LRRC74A: variants seen among roughly 807,000 people sequenced by gnomAD.
The protein encoded by LRRC74A is leucine rich repeat containing 74A.
In LRRC74A, 44 loss-of-function variants were observed where a neutral mutation model predicts 57.9. That is an observed-to-expected ratio of 0.76 (90% CI 0.60 to 0.98). LRRC74A has a LOEUF of 0.98. Among genes scored for constraint, LRRC74A ranks in the 50% least tolerant of loss-of-function variants. LRRC74A has a pLI of 0.00. For missense variants in LRRC74A, 572 were observed against 574.0 expected (o/e 1.00, Z 0.04); for synonymous variants, 211 against 219.4 (o/e 0.96, Z 0.34).
chr14:76,850,782 C>T (rs896625127), intron 7 of LRRC74A, among the ~76,000 whole-genome samples: 4 of 147,844 alleles, frequency 2.7e-5, no homozygotes, highest in East Asian at 2.1e-4. Context: ...GCAGGAGAAT[C>T]GCTTGAACCC....
intron 3 of LRRC74A, among the ~76,000 whole-genome samples, chr14:76,834,038 A>G (rs1259128554): frequency 6.6e-6 from 1 of 152,214 alleles, no homozygotes; most frequent in Non-Finnish European, 1.5e-5. Context: ...CCCACTTGGC[A>G]TTGAATGGTG....
rs903797050 is a variant in LRRC74A, at chr14:76,829,132, G to A, written c.166+713G>A. ...AGCACCGAAAGAGAACACTTGTGAA[G>A]CAAGAGAATGACGCTGGTTCCATCT... On this transcript the variant is annotated intron_variant, in intron 2 of 13. Transcript: ENST00000689127. 11 of 1,289,326 alleles carry A rather than the reference G, an allele frequency of 8.5e-6. No homozygotes were observed. The African/African-American group carries it at 1.7e-4, about 20-fold the overall frequency. The allele number at this position is 1,289,326 out of a possible 1,614,324, so 79.9% of individuals were successfully genotyped here.
intron 7 of LRRC74A, among the ~76,000 whole-genome samples, chr14:76,845,835 A>G (rs1041225217): frequency 7.9e-5 from 12 of 152,386 alleles, no homozygotes; most frequent in Non-Finnish European, 1.6e-4. Flanking sequence ...CCTGGCCAAC[A>G]TGGTGAAACC....
intron 5 of LRRC74A, among the ~76,000 whole-genome samples, chr14:76,838,484 C>T (rs1201644267): frequency 7.1e-6 from 1 of 140,848 alleles, no homozygotes; most frequent in Non-Finnish European, 1.7e-5. Flanking sequence ...TCTATCTTTG[C>T]AGCATAGAAA....
At position 76,860,784 on chromosome 14, in the gene LRRC74A, G is replaced by C. The variant is rs1431299441; in HGVS notation, c.1145G>C (p.Gly382Ala). The change falls in exon 11 of 14, where the codon GGC becomes GCC. Residue 382 changes from glycine to alanine, a missense_variant. Gly to Ala is a moderately conservative substitution (Grantham distance 60). Coordinates refer to ENST00000689127, the MANE Select transcript of LRRC74A (RefSeq NM_001385106.1). ...GACGTGGTATTCAAGGCAGTACAAG[G>C]CCTCTCTCCCAAGAAAACCATCTTC... ...QLDVVFKAVQ[G>A]LSPKKTIFLL... 4 of 1,610,610 alleles carry C rather than the reference G, an allele frequency of 2.5e-6. No individual in the cohort carries two copies. Among genetic ancestry groups the C allele is most frequent in the Non-Finnish European group, 1.7e-6 (2 of 1,177,732 alleles).
In LRRC74A at chr14:76,845,803, G is replaced by A. The variant is rs189655324; in HGVS notation, c.676+902G>A. ...CGGGAGGCCGAGGTGGGCAGATCAC[G>A]AGGTCAAGAGATCAAGACCATCCTG... On this transcript the variant is annotated intron_variant, in intron 7 of 13. Transcript: ENST00000689127. 5.6e-3 allele frequency among the ~76,000 whole-genome samples: 848 copies of A among 152,336 alleles called. 8 individuals are homozygous for A. Among genetic ancestry groups the A allele is most frequent in the African/African-American group, 0.019 (793 of 41,578 alleles).
At chr14:76,866,924 G>A (rs1301057793) in intron 12 of LRRC74A, among the ~76,000 whole-genome samples, 1 of 124,796 alleles carries the variant, frequency 8.0e-6, no homozygotes, top group African/African-American at 3.2e-5. Flanking sequence ...GGGTGTGTGT[G>A]TTGGGGGGGG....
At chr14:76,835,046 A>G (rs1239177824) in intron 3 of LRRC74A, among the ~76,000 whole-genome samples, 1 of 152,208 alleles carries the variant, frequency 6.6e-6, no homozygotes, top group Non-Finnish European at 1.5e-5. Context: ...GTGGGCCTTG[A>G]AAATGCTCAA....
chr14:76,833,117 C>A (rs1030791493), intron 3 of LRRC74A, among the ~76,000 whole-genome samples: 9 of 152,124 alleles, frequency 5.9e-5, no homozygotes, highest in African/African-American at 2.2e-4. Flanking sequence ...GAATGAGTGA[C>A]TGAAAGACAG....
intron 5 of LRRC74A, among the ~76,000 whole-genome samples, chr14:76,843,555 G>A (rs1896923331): frequency 6.6e-6 from 1 of 152,048 alleles, no homozygotes; most frequent in Non-Finnish European, 1.5e-5. Flanking sequence ...AATGCACAGG[G>A]TATGCTACCA....
At chr14:76,840,398 A>G (rs1896671577) in intron 5 of LRRC74A, among the ~76,000 whole-genome samples, 1 of 152,172 alleles carries the variant, frequency 6.6e-6, no homozygotes, top group South Asian at 2.1e-4. Context: ...TGTGCATGGA[A>G]TGAAGTAGAA....
At chr14:76,831,440 C>A in intron 3 of LRRC74A, 65 bp downstream of exon 3, 1 of 1,564,786 alleles carries the variant, frequency 6.4e-7, no homozygotes, top group Non-Finnish European at 8.8e-7. Context: ...GTGGTAGGCC[C>A]AAGATTCAGA....
intron 12 of LRRC74A, 133 bp downstream of exon 12, chr14:76,866,208 G>T: frequency 1.4e-6 from 1 of 689,974 alleles, no homozygotes. Context: ...GACAGGCTAT[G>T]GGACACTCCC....
chr14:76,862,550 G>C (rs1226363114), intron 11 of LRRC74A, among the ~76,000 whole-genome samples: 1 of 148,368 alleles, frequency 6.7e-6, no homozygotes, highest in Non-Finnish European at 1.5e-5. Flanking sequence ...AAAAAAAAAA[G>C]TGTCATGTGA....
At chr14:76,837,849 T>C in intron 4 of LRRC74A, 26 bp from the exon 5 acceptor site, 1 of 1,428,892 alleles carries the variant, frequency 7.0e-7, no homozygotes, top group African/African-American at 1.4e-5. Flanking sequence ...CTTTTTTACA[T>C]ACCGAAGTGT....
chr14:76,865,330 G>A (rs1424462188), intron 11 of LRRC74A, among the ~76,000 whole-genome samples: 1 of 152,080 alleles, frequency 6.6e-6, no homozygotes, highest in Admixed American at 6.6e-5. Context: ...TTTTCATATT[G>A]GTGGATTTTG....
At position 76,837,923 on chromosome 14, in the gene LRRC74A, G is replaced by C; in HGVS notation, c.496G>C (p.Asp166His). ...LGLEGARIIS[D>H]FFERNSSSIW... ...TTTGGAGGGGGCCAGAATCATCTCA[G>C]ATTTCTTTGAGAGAAACAGTTCTTC... Residue 166 changes from aspartate (D) to histidine (H), a missense_variant, in exon 5 of 14, where the codon GAT becomes CAT. Transcript: ENST00000689127. 6.3e-7 allele frequency: 1 copy of C among 1,591,138 alleles called. No homozygotes were observed. Among genetic ancestry groups the C allele is most frequent in the Non-Finnish European group, 8.6e-7 (1 of 1,167,420 alleles).
At chr14:76,836,167 C>T (rs1896315922) in intron 3 of LRRC74A, 40 bp from the exon 4 acceptor site, 1 of 1,480,280 alleles carries the variant, frequency 6.8e-7, no homozygotes, top group African/African-American at 1.4e-5. Context: ...GGTCACCAAC[C>T]ACTTCTGTGT....
chr14:76,849,265 C>T (rs889369555), intron 7 of LRRC74A, among the ~76,000 whole-genome samples: 2 of 152,024 alleles, frequency 1.3e-5, no homozygotes, highest in Non-Finnish European at 2.9e-5. Flanking sequence ...AAGCAATTCT[C>T]GTGCCTCAAC....
Sources: gnomAD v4.1 joint callset for allele counts (sites outside exome capture counted in the v4.1 genomes callset) on GRCh38, gnomAD v4.1.1 for gene constraint, MANE v1.5 for transcripts, NCBI Gene and HGNC (gene_info 2026-07-23, HGNC 2026-07-21) for gene names.